Variants in DYNC2H1 observed in about 807,000 individuals in gnomAD.
DYNC2H1 encodes the protein cytoplasmic dynein 2 heavy chain 1.
Under a neutral mutation model 570.0 loss-of-function variants are expected in DYNC2H1, and 410 were observed. The observed-to-expected ratio is 0.72, with a 90% CI of 0.66 to 0.78. The LOEUF (loss-of-function observed/expected upper bound fraction) is 0.78. Ranked by LOEUF, DYNC2H1 falls within the 30% of genes least tolerant of loss-of-function variation. The pLI is 0.00. For synonymous variants in DYNC2H1, 1,688 were observed against 1,677.6 expected (o/e 1.01, Z -0.15); for missense variants, 4,865 against 5,046.4 (o/e 0.96, Z 1.09).
intron 83 of DYNC2H1, among the ~76,000 whole-genome samples, chr11:103,367,119 TAATC>T (rs952976152): frequency 6.6e-6 from 1 of 152,140 alleles, no homozygotes; most frequent in Non-Finnish European, 1.5e-5. Flanking sequence ...GGAAGAATAA[TAATC>T]ATTTTTAATG....
chr11:103,407,922 A>G (rs930624428), intron 84 of DYNC2H1: 5 of 151,960 alleles, frequency 3.3e-5, no homozygotes, highest in Non-Finnish European at 5.9e-5. Context: ...ACTTATCAGA[A>G]CTGATAATAG....
intron 85 of DYNC2H1, among the ~76,000 whole-genome samples, chr11:103,438,570 T>C (rs1184945063): frequency 6.6e-6 from 1 of 152,162 alleles, no homozygotes; most frequent in African/African-American, 2.4e-5. Context: ...TTTAGGGTCT[T>C]GCATTTTGAG....
intron 85 of DYNC2H1, among the ~76,000 whole-genome samples, chr11:103,444,356 G>A (rs1018346986): frequency 6.6e-6 from 1 of 151,852 alleles, no homozygotes; most frequent in Non-Finnish European, 1.5e-5. Context: ...AGCATATAGT[G>A]AATATTTTTA....
Position 103,323,977 on chromosome 11 carries a change from T to C in DYNC2H1, c.12026T>C (p.Met4009Thr). Residue 4009 changes from methionine (M) to threonine (T), a missense_variant, in exon 82 of 89, where the codon ATG (methionine) becomes ACG (threonine). Physicochemically the swap from Met to Thr is moderately conservative, Grantham distance 81 (BLOSUM62 -1). Around this residue, in one of 5 missense-constraint regions of DYNC2H1, gnomAD observed 2,401 missense variants for 2,454.6 expected, o/e 0.98. Transcript: ENST00000375735. Reference sequence around the variant, plus strand: ...AATATCGCTCGCTCATCTCAGCGCATGATCAGTTCTCAGGTAACCTAAAAA... The same window carrying C: ...AATATCGCTCGCTCATCTCAGCGCACGATCAGTTCTCAGGTAACCTAAAAA... ...PANIARSSQR[M>T]ISSQVISQLR... The C allele has an allele frequency of 6.2e-7, 1 of 1,610,600 alleles. No homozygotes were observed. Among genetic ancestry groups the C allele is most frequent in the Non-Finnish European group, 8.5e-7 (1 of 1,178,506 alleles).
chr11:103,219,222 GA>G (rs1863495233), intron 55 of DYNC2H1, among the ~76,000 whole-genome samples: 1 of 136,192 alleles, frequency 7.3e-6, no homozygotes, highest in East Asian at 2.0e-4. Context: ...GTCTCAAAAA[GA>G]AAAAAAGGAA....
rs1370124843 is a variant in DYNC2H1, at chr11:103,220,795, A to C, written c.9107+12A>C. The stretch of plus-strand genomic sequence containing the variant: ...GTGAGCATGAAAAGGTACATTTTTC[A>C]ATTTGTGAAAAATATTATTTCGGCA... On this transcript the variant is annotated intron_variant, in intron 57 of 88. Coordinates refer to ENST00000375735, the MANE Select transcript of DYNC2H1 (RefSeq NM_001377.3). 1.9e-6 allele frequency: 3 copies of C among 1,592,726 alleles called. No individual in the cohort carries two copies. In the South Asian group the frequency reaches 3.5e-5, roughly 18 times the overall value.
chr11:103,115,045 GT>G, intron 3 of DYNC2H1, 131 bp from the exon 4 acceptor site: 1 of 527,000 alleles, frequency 1.9e-6, no homozygotes, highest in South Asian at 3.1e-5. Context: ...CAATAAGGAA[GT>G]GTCACCTATT....
At chr11:103,347,778 C>T (rs1203093173) in intron 82 of DYNC2H1, among the ~76,000 whole-genome samples, 1 of 152,058 alleles carries the variant, frequency 6.6e-6, no homozygotes, top group Non-Finnish European at 1.5e-5. Context: ...AAAAGTCTTG[C>T]GGGGGAGGCA....
chr11:103,244,432 T>G lies in DYNC2H1; in HGVS notation c.9918+641T>G, dbSNP rs148099503. Among the ~76,000 whole-genome samples the G allele has an allele frequency of 5.6e-3, 841 of 151,404 alleles. 3 individuals are homozygous for G. Among genetic ancestry groups the G allele is most frequent in the Non-Finnish European group, 8.7e-3 (587 of 67,696 alleles). ...GTGTTTCAAAAATTACCTCTAAAAG[T>G]TACTTTACTTGTAAAATGGGGATAT... On this transcript the variant is annotated intron_variant, in intron 64 of 88. Coordinates refer to ENST00000375735, the MANE Select transcript of DYNC2H1 (RefSeq NM_001377.3). The surrounding 1 kb of genome is among the most constrained non-coding windows in gnomAD (Gnocchi z 4.3).
At chr11:103,371,554 G>A (rs750850133) in intron 83 of DYNC2H1, among the ~76,000 whole-genome samples, 1 of 152,114 alleles carries the variant, frequency 6.6e-6, no homozygotes, top group African/African-American at 2.4e-5. Flanking sequence ...CCTAAAAGCA[G>A]TAAGAGAAAA....
intron 52 of DYNC2H1, among the ~76,000 whole-genome samples, chr11:103,208,679 G>A (rs1204846525): frequency 6.6e-6 from 1 of 152,092 alleles, no homozygotes; most frequent in Non-Finnish European, 1.5e-5. Context: ...TTAGTGTGAA[G>A]GGGTTGATAG....
intron 45 of DYNC2H1, among the ~76,000 whole-genome samples, chr11:103,191,062 T>G (rs1398940616): frequency 7.1e-6 from 1 of 141,594 alleles, no homozygotes; most frequent in Non-Finnish European, 1.5e-5. Context: ...TTTTTTGAGA[T>G]GGAGTCTCGC....
At chr11:103,266,108 C>T (rs1321730198) in intron 70 of DYNC2H1, among the ~76,000 whole-genome samples, 1 of 152,086 alleles carries the variant, frequency 6.6e-6, no homozygotes, top group African/African-American at 2.4e-5. Context: ...GCTCTGTGAC[C>T]GCTGGTCACT....
At chr11:103,188,086 T>G (rs1862146665) in intron 43 of DYNC2H1, among the ~76,000 whole-genome samples, 1 of 152,090 alleles carries the variant, frequency 6.6e-6, no homozygotes, top group South Asian at 2.1e-4. Context: ...AGCTATAAAT[T>G]CTTAGAGTTT....
intron 82 of DYNC2H1, among the ~76,000 whole-genome samples, chr11:103,332,004 G>A (rs1938824706): frequency 6.6e-6 from 1 of 151,726 alleles, no homozygotes. Flanking sequence ...AGCTTGCAGT[G>A]AGCCGAGATC....
In DYNC2H1 at chr11:103,410,360, C is replaced by T. The variant is rs146972048; in HGVS notation, c.12366+10488C>T. On this transcript the variant is annotated intron_variant, in intron 84 of 88. Transcript: ENST00000375735. ...AGAAAATGTAGCCCATTTCTTCCCA[C>T]CTCATGAGCTACACCTTGACCTAAT... 7.2e-3 allele frequency among the ~76,000 whole-genome samples: 1,090 copies of T among 152,170 alleles called. 13 individuals are homozygous for T. Among genetic ancestry groups the T allele is most frequent in the South Asian group, 0.02 (96 of 4,826 alleles).
At chr11:103,179,973 T>G (rs929857199) in intron 39 of DYNC2H1, among the ~76,000 whole-genome samples, 1 of 151,720 alleles carries the variant, frequency 6.6e-6, no homozygotes, top group Non-Finnish European at 1.5e-5. Flanking sequence ...ATTTTAGGTG[T>G]TGTATGACAT....
rs1859187236 is a variant in DYNC2H1 at position 103,129,892 on chromosome 11, G to A, written c.1953+887G>A. ...ATAACTAGTTGTGTCAGGATCCTCA[G>A]GACCACCCCAGATTCTTTGATTTGC... On this transcript the variant is annotated intron_variant, in intron 13 of 88. Coordinates refer to ENST00000375735, the MANE Select transcript of DYNC2H1 (RefSeq NM_001377.3). This position sits in a 1 kb window ranked among gnomAD's most constrained non-coding sequence, Gnocchi z 4.1. Among the ~76,000 whole-genome samples the A allele has an allele frequency of 6.6e-6, 1 of 151,970 alleles. No homozygotes were observed. Among genetic ancestry groups the A allele is most frequent in the East Asian group, 1.9e-4 (1 of 5,196 alleles).
chr11:103,382,022 A>G (rs1025527443), intron 83 of DYNC2H1, among the ~76,000 whole-genome samples: 2 of 152,216 alleles, frequency 1.3e-5, no homozygotes, highest in Non-Finnish European at 1.5e-5. Flanking sequence ...CACCCAAAGA[A>G]TCTAATCTTC....
Sources: gnomAD v4.1 joint callset for allele counts (sites outside exome capture counted in the v4.1 genomes callset) on GRCh38, gnomAD v4.1.1 for gene constraint, gnomAD v4.1.1 regional missense constraint, Gnocchi (gnomAD v3.1) non-coding constraint, MANE v1.5 for transcripts, NCBI Gene and HGNC (gene_info 2026-07-23, HGNC 2026-07-21) for gene names.